The following SCARA3 variants were observed in gnomAD, a reference collection of about 807,000 sequenced individuals.
The protein encoded by SCARA3 is cellular stress response gene protein.
In SCARA3, 39 loss-of-function variants were observed where a neutral mutation model predicts 47.0. The ratio of observed to expected loss-of-function variants is 0.83; its 90% CI spans 0.64 to 1.08. The LOEUF (loss-of-function observed/expected upper bound fraction) is 1.08, where lower values mean the gene tolerates loss of function less well. Among genes scored for constraint, SCARA3 ranks in the 50% least tolerant of loss-of-function variants. The probability of loss-of-function intolerance (pLI) is 0.00; values close to 1 mark genes in which losing one functional copy is unlikely to be tolerated. For missense variants in SCARA3, 724 were observed against 792.3 expected (o/e 0.91, Z 1.04); for synonymous variants, 356 against 334.1 (o/e 1.07, Z -0.71).
At chr8:27,683,500 A>G in the SCARA3 span, among the ~76,000 whole-genome samples, 1 of 152,226 alleles carries the variant, frequency 6.6e-6, no homozygotes, top group Non-Finnish European at 1.5e-5. Flanking sequence ...TTTACTCAGT[A>G]GAATAAACTT....
At chr8:27,722,646 C>A in the SCARA3 span, among the ~76,000 whole-genome samples, 221 of 152,330 alleles carry the variant, frequency 1.5e-3, no homozygotes, top group Non-Finnish European at 2.0e-3. Context: ...CTACTATCCC[C>A]AGCCTTATCA....
intron 5 of SCARA3, among the ~76,000 whole-genome samples, chr8:27,664,301 T>G (rs2128922318): frequency 6.6e-6 from 1 of 152,350 alleles, no homozygotes; most frequent in South Asian, 2.1e-4. Flanking sequence ...ACAAAGGCAA[T>G]TTAAAGCTTT....
At chr8:27,703,844 C>CTTTTTTTT in the SCARA3 span, 24 of 54,548 alleles carry the variant, frequency 4.4e-4, 2 homozygotes, top group African/African-American at 1.4e-3. Flanking sequence ...GTGCTTTCTA[C>CTTTTTTTT]TTTTTTTTTT....
chr8:27,671,165 CCCAGGGCCAGAAGGGCCCCCGGGGTCT>C lies in SCARA3; in HGVS notation c.1644_1670del (p.Glu549_Pro557del). On this transcript the variant is annotated inframe_deletion, in exon 6 of 6. Coordinates refer to ENST00000301904, the MANE Select transcript of SCARA3 (RefSeq NM_016240.3). Reference sequence around the variant, plus strand: ...CAGGCCCAAAAGGGGACATAGGGCCCCCAGGGCCAGAAGGGCCCCCGGGGTCTCCAGGGCCCTCAGGGCCTCAGGGAA... The same window carrying C: ...CAGGCCCAAAAGGGGACATAGGGCCCCCAGGGCCCTCAGGGCCTCAGGGAA... The C allele has an allele frequency of 1.3e-6, 2 of 1,531,790 alleles. No individual in the cohort carries two copies. The highest frequency in any genetic ancestry group is 1.7e-6 in the Non-Finnish European group (2 of 1,143,058). The allele number at this position is 1,531,790 out of a possible 1,614,324, so 94.9% of individuals were successfully genotyped here.
chr8:27,674,532 C>T (rs1243224038), downstream of SCARA3, among the ~76,000 whole-genome samples: 1 of 152,162 alleles, frequency 6.6e-6, no homozygotes. Flanking sequence ...TGCTCCTTCT[C>T]CTGCCCTGCT....
At chr8:27,689,628 T>G in the SCARA3 span, among the ~76,000 whole-genome samples, 1 of 152,228 alleles carries the variant, frequency 6.6e-6, no homozygotes, top group East Asian at 1.9e-4. Flanking sequence ...ACCTAATTTT[T>G]CTAGAAGCTG....
At chr8:27,722,479 T>C in the SCARA3 span, among the ~76,000 whole-genome samples, 1 of 152,156 alleles carries the variant, frequency 6.6e-6, no homozygotes, top group African/African-American at 2.4e-5. Flanking sequence ...AGATCACCCC[T>C]GGCCCTCACA....
At chr8:27,652,040 G>A (rs1801644629) in intron 3 of SCARA3, among the ~76,000 whole-genome samples, 1 of 152,216 alleles carries the variant, frequency 6.6e-6, no homozygotes, top group Non-Finnish European at 1.5e-5. Context: ...ACTGGATTGA[G>A]TGACTTCTAA....
the SCARA3 span, among the ~76,000 whole-genome samples, chr8:27,714,600 T>C: frequency 2.6e-5 from 4 of 152,258 alleles, no homozygotes; most frequent in Non-Finnish European, 4.4e-5. Flanking sequence ...AGGACACAGC[T>C]AGGGGAGATA....
At chr8:27,720,779 T>C in the SCARA3 span, among the ~76,000 whole-genome samples, 3 of 150,840 alleles carry the variant, frequency 2.0e-5, no homozygotes, top group African/African-American at 7.3e-5. Flanking sequence ...CACCCACCCC[T>C]CTATTCATCC....
chr8:27,650,860 G>T (rs563194299), intron 2 of SCARA3, among the ~76,000 whole-genome samples: 47 of 152,294 alleles, frequency 3.1e-4, no homozygotes, highest in African/African-American at 1.1e-3. Flanking sequence ...GGACTGAGGG[G>T]ATTCCCAGGG....
chr8:27,672,656 C>A lies in SCARA3; in HGVS notation c.*1305C>A. Reference sequence around the variant, plus strand: ...GGACACTCACAGAGGCCCCCTCTGTCATCACTCCTTGGCACCCACCAACTT... The same window carrying A: ...GGACACTCACAGAGGCCCCCTCTGTAATCACTCCTTGGCACCCACCAACTT... On this transcript the variant is annotated 3_prime_UTR_variant, in exon 6 of 6. Coordinates refer to ENST00000301904, the MANE Select transcript of SCARA3 (RefSeq NM_016240.3). 1.0e-6 allele frequency: 1 copy of A among 985,534 alleles called. No individual in the cohort carries two copies. The highest frequency in any genetic ancestry group is 1.2e-6 in the Non-Finnish European group (1 of 830,004). 61.0% of individuals were successfully genotyped at this position (985,534 alleles called of 1,614,324 possible).
chr8:27,732,054 G>T, the SCARA3 span, among the ~76,000 whole-genome samples: 1 of 152,212 alleles, frequency 6.6e-6, no homozygotes, highest in Non-Finnish European at 1.5e-5. Context: ...TGTTAGCCTT[G>T]TCTATGGATA....
intron 2 of SCARA3, among the ~76,000 whole-genome samples, chr8:27,650,736 T>G (rs1484495018): frequency 6.6e-6 from 1 of 152,186 alleles, no homozygotes; most frequent in African/African-American, 2.4e-5. Context: ...GGTTCCCTCT[T>G]TCCTCCATGC....
chr8:27,646,972 GCCC>G (rs757314343), intron 1 of SCARA3, among the ~76,000 whole-genome samples: 3 of 23,482 alleles, frequency 1.3e-4, no homozygotes, highest in Non-Finnish European at 2.2e-4. Context: ...GACCGCCCCC[GCCC>G]CCCCCCCGCA....
the SCARA3 span, among the ~76,000 whole-genome samples, chr8:27,690,674 G>C: frequency 6.6e-6 from 1 of 152,128 alleles, no homozygotes; most frequent in Non-Finnish European, 1.5e-5. Flanking sequence ...TCATTTGTGT[G>C]AAAGTATAAA....
At chr8:27,639,179 T>A (rs1396729893) in intron 1 of SCARA3, among the ~76,000 whole-genome samples, 2 of 152,180 alleles carry the variant, frequency 1.3e-5, no homozygotes, top group African/African-American at 4.8e-5. Context: ...GCCCACACTT[T>A]TCAGTCAGCC....
the SCARA3 span, among the ~76,000 whole-genome samples, chr8:27,683,598 T>A: frequency 6.6e-6 from 1 of 152,210 alleles, no homozygotes. Flanking sequence ...TGGCTTCTTA[T>A]GAAGGTAAAC....
At chr8:27,720,828 T>C in the SCARA3 span, among the ~76,000 whole-genome samples, 1 of 151,342 alleles carries the variant, frequency 6.6e-6, no homozygotes, top group East Asian at 1.9e-4. Flanking sequence ...AGCCTTCTAT[T>C]TATCCATCCA....
Sources: allele counts gnomAD v4.1 joint callset (sites outside exome capture counted in the v4.1 genomes callset), GRCh38; gene constraint gnomAD v4.1.1; transcripts MANE v1.5; gene names NCBI Gene and HGNC (gene_info 2026-07-23, HGNC 2026-07-21).